The following UGT2A1 variants were observed in gnomAD, a reference collection of about 807,000 sequenced individuals.
UGT2A1 encodes the protein UDP-glucuronosyltransferase 2A1.
In UGT2A1, 61 loss-of-function variants were observed where a neutral mutation model predicts 45.4. The observed-to-expected ratio is 1.34, with a 90% CI of 1.09 to 1.66. The LOEUF (loss-of-function observed/expected upper bound fraction) is 1.66, where lower values mean the gene tolerates loss of function less well. Ranked by LOEUF, UGT2A1 falls within the 40% of genes most tolerant of loss-of-function variation. UGT2A1 has a pLI of 0.00. For missense variants in UGT2A1, 649 were observed against 574.3 expected (o/e 1.13, Z -1.33); for synonymous variants, 229 against 196.2 (o/e 1.17, Z -1.40).
chr4:69,649,822 A>G (rs1209739086), intron 1 of UGT2A1, among the ~76,000 whole-genome samples: 1 of 152,038 alleles, frequency 6.6e-6, no homozygotes, highest in Non-Finnish European at 1.5e-5. Context: ...GATTAGTTAC[A>G]CAGAACCAGA....
chr4:69,608,524 C>T (rs912961003), intron 3 of UGT2A1, among the ~76,000 whole-genome samples: 1 of 151,362 alleles, frequency 6.6e-6, no homozygotes, highest in African/African-American at 2.4e-5. Flanking sequence ...TGTAACTAAC[C>T]TGCACGTTGT....
intron 3 of UGT2A1, among the ~76,000 whole-genome samples, chr4:69,630,200 G>A (rs2109953837): frequency 6.6e-6 from 1 of 152,056 alleles, no homozygotes; most frequent in Admixed American, 6.6e-5. Context: ...ATTTAATGAG[G>A]ATATACCAAT....
intron 3 of UGT2A1, among the ~76,000 whole-genome samples, chr4:69,629,425 G>A (rs569596314): frequency 6.6e-6 from 1 of 152,168 alleles, no homozygotes; most frequent in East Asian, 1.9e-4. Context: ...TGCCTAATAA[G>A]AGTGTTTTTG....
chr4:69,638,032 G>GA (rs1481120068), intron 2 of UGT2A1, among the ~76,000 whole-genome samples: 2 of 150,240 alleles, frequency 1.3e-5, no homozygotes, highest in South Asian at 2.2e-4. Flanking sequence ...AAGAAGGAAG[G>GA]AAAAAAAGGA....
chr4:69,641,091 A>T (rs1722027564), intron 2 of UGT2A1, among the ~76,000 whole-genome samples: 1 of 151,934 alleles, frequency 6.6e-6, no homozygotes, highest in African/African-American at 2.4e-5. Flanking sequence ...ATTACTCACA[A>T]ATGTAGCTGC....
At chr4:69,613,716 A>G (rs1440157884) in intron 3 of UGT2A1, among the ~76,000 whole-genome samples, 2 of 152,174 alleles carry the variant, frequency 1.3e-5, no homozygotes, top group Non-Finnish European at 1.5e-5. Flanking sequence ...CAGTACCAGG[A>G]CAAAATCCAT....
chr4:69,649,381 G>A (rs1020168450), intron 1 of UGT2A1, among the ~76,000 whole-genome samples: 2 of 152,012 alleles, frequency 1.3e-5, no homozygotes, highest in Non-Finnish European at 2.9e-5. Flanking sequence ...TAGTGACTTG[G>A]CAAGAAACTT....
intron 2 of UGT2A1, among the ~76,000 whole-genome samples, chr4:69,636,026 T>C (rs917965842): frequency 6.6e-6 from 1 of 152,110 alleles, no homozygotes; most frequent in Non-Finnish European, 1.5e-5. Context: ...GTTAATTGTT[T>C]TACTCATTTC....
At chr4:69,639,062 C>T (rs772801936) in intron 2 of UGT2A1, 4 of 1,613,358 alleles carry the variant, frequency 2.5e-6, no homozygotes, top group South Asian at 2.2e-5. Flanking sequence ...CTGGGATTTT[C>T]CCACAGTGTC....
chr4:69,636,927 A>C (rs1361383235), intron 2 of UGT2A1, among the ~76,000 whole-genome samples: 1 of 152,118 alleles, frequency 6.6e-6, no homozygotes, highest in Non-Finnish European at 1.5e-5. Flanking sequence ...TGGAACCTGA[A>C]GCCACATGCA....
chr4:69,636,588 C>T (rs1205755444), intron 2 of UGT2A1, among the ~76,000 whole-genome samples: 1 of 152,054 alleles, frequency 6.6e-6, no homozygotes, highest in African/African-American at 2.4e-5. Context: ...CTTTTTCACA[C>T]TTATCTAATT....
chr4:69,639,135 G>A (rs755274885), intron 2 of UGT2A1: 1 of 1,613,596 alleles, frequency 6.2e-7, no homozygotes, highest in South Asian at 1.1e-5. Context: ...TAATTTCAGA[G>A]CAACAAGATC....
intron 3 of UGT2A1, among the ~76,000 whole-genome samples, chr4:69,606,132 T>A (rs1331896624): frequency 1.5e-5 from 2 of 135,936 alleles, no homozygotes; most frequent in Admixed American, 7.2e-5. Context: ...AAAGAGAATT[T>A]TAGACCAATA....
chr4:69,595,120 C>G (rs1560467135), intron 5 of UGT2A1, 42 bp downstream of exon 5: 1 of 1,608,938 alleles, frequency 6.2e-7, no homozygotes, highest in Non-Finnish European at 8.5e-7. Flanking sequence ...CTTAACTTGT[C>G]TATTGTCCCA....
rs574381483 is a variant in UGT2A1 at position 69,622,550 on chromosome 4, A to C, written c.847+13141T>G. On this transcript the variant is annotated intron_variant, in intron 3 of 6. Transcript: ENST00000286604. ...GTTATCTATATAATAGACTCAGGGA[A>C]TCTATATAATGGATACAATATACTG... Among the ~76,000 whole-genome samples the C allele has an allele frequency of 2.0e-5, 3 of 151,904 alleles. No individual in the cohort carries two copies. In the South Asian group the frequency reaches 6.2e-4, roughly 32 times the overall value.
chr4:69,641,035 T>A (rs1722024289), intron 2 of UGT2A1, among the ~76,000 whole-genome samples: 2 of 151,906 alleles, frequency 1.3e-5, no homozygotes, highest in African/African-American at 4.8e-5. Flanking sequence ...TTAGATTTGT[T>A]CAAATATTGA....
At chr4:69,645,962 T>C (rs1291540083) in intron 2 of UGT2A1, among the ~76,000 whole-genome samples, 1 of 151,828 alleles carries the variant, frequency 6.6e-6, no homozygotes, top group African/African-American at 2.4e-5. Flanking sequence ...CATTCAGTAT[T>C]TTAAAATATC....
intron 3 of UGT2A1, among the ~76,000 whole-genome samples, chr4:69,618,790 G>A (rs1301634720): frequency 2.6e-5 from 4 of 151,636 alleles, no homozygotes; most frequent in Non-Finnish European, 4.4e-5. Context: ...AAATAGAAGT[G>A]AACTTTCTTA....
chr4:69,650,300 A>G (rs1441382594), intron 1 of UGT2A1, among the ~76,000 whole-genome samples: 1 of 152,180 alleles, frequency 6.6e-6, no homozygotes, highest in Non-Finnish European at 1.5e-5. Context: ...AGAGGAATCC[A>G]GGAGATCTTT....
Sources: gnomAD v4.1 joint callset for allele counts (sites outside exome capture counted in the v4.1 genomes callset) on GRCh38, gnomAD v4.1.1 for gene constraint, MANE v1.5 for transcripts, NCBI Gene and HGNC (gene_info 2026-07-23, HGNC 2026-07-21) for gene names.